The following CELSR1 variants were observed in gnomAD, a reference collection of about 807,000 sequenced individuals.
CELSR1 encodes adhesion G protein-coupled receptor C1.
A neutral mutation model predicts 249.1 loss-of-function variants in CELSR1; 110 were observed. The ratio of observed to expected loss-of-function variants is 0.44; its 90% CI spans 0.38 to 0.52. The LOEUF (loss-of-function observed/expected upper bound fraction) is 0.52. Among genes scored for constraint, CELSR1 ranks in the 20% least tolerant of loss-of-function variants. The pLI is 0.00. For missense variants in CELSR1, 4,109 were observed against 4,296.4 expected (o/e 0.96, Z 1.22); for synonymous variants, 2,113 against 1,900.0 (o/e 1.11, Z -2.92).
In CELSR1 at chr22:46,363,117, GC is replaced by G; in HGVS notation, c.*105del. The stretch of plus-strand genomic sequence containing the variant: ...GGCCCACTCCACTTCAAGGGCAGTG[GC>G]CCCTTGGGCTCCAAGGTCTGAGGGT... On this transcript the variant is annotated 3_prime_UTR_variant, in exon 35 of 35. Coordinates refer to ENST00000674500, the MANE Select transcript of CELSR1 (RefSeq NM_001378328.1). The surrounding 1 kb of genome is among the most constrained non-coding windows in gnomAD (Gnocchi z 4.3). 1.9e-6 allele frequency: 3 copies of G among 1,611,468 alleles called. No individual in the cohort carries two copies. The highest frequency in any genetic ancestry group is 3.4e-4 in the Middle Eastern group (2 of 5,892).
At position 46,410,622 on chromosome 22, in the gene CELSR1, G is replaced by A; in HGVS notation, c.4770-61C>T. 1 of 1,571,702 alleles carries A rather than the reference G, an allele frequency of 6.4e-7. No individual in the cohort carries two copies. On this transcript the variant is annotated intron_variant, in intron 6 of 34. Coordinates refer to ENST00000674500, the MANE Select transcript of CELSR1 (RefSeq NM_001378328.1). The surrounding 1 kb of genome is among the most constrained non-coding windows in gnomAD (Gnocchi z 6.8). ...CGGGGAGAGGCGGCCACGGCGGGCT[G>A]GGCTCCGCAGTTGCCTCTGTGTAGC...
intron 1 of CELSR1, among the ~76,000 whole-genome samples, chr22:46,470,539 C>T (rs6008851): frequency 0.031 from 4,732 of 152,206 alleles, 190 homozygotes; most frequent in African/African-American, 0.093. Flanking sequence ...TAAATATTAA[C>T]GACTGTGAAG....
chr22:46,501,534 T>A (rs1432317804), intron 1 of CELSR1, among the ~76,000 whole-genome samples: 1 of 152,100 alleles, frequency 6.6e-6, no homozygotes, highest in Non-Finnish European at 1.5e-5. Flanking sequence ...AACAGACATT[T>A]AAATAAGCTA....
chr22:46,442,353 G>T (rs1432242354), intron 2 of CELSR1, among the ~76,000 whole-genome samples: 1 of 152,208 alleles, frequency 6.6e-6, no homozygotes, highest in Non-Finnish European at 1.5e-5. Flanking sequence ...GGTCAGGGTG[G>T]ACACAGTGAC....
chr22:46,399,703 A>AGGT lies in CELSR1; in HGVS notation c.5412+11_5412+13dup. 6.2e-7 allele frequency: 1 copy of AGGT among 1,613,000 alleles called. No individual in the cohort carries two copies. The highest frequency in any genetic ancestry group is 8.5e-7 in the Non-Finnish European group (1 of 1,179,036). On this transcript the variant is annotated intron_variant, in intron 10 of 34. Transcript: ENST00000674500. The surrounding 1 kb of genome is among the most constrained non-coding windows in gnomAD (Gnocchi z 5.0). ...AAGGGTCTATCCCCAGAGGAGGTGC[A>AGGT]GGTGCCAGCTCACCTGGTCCATCCC... is the stretch of plus-strand genomic sequence containing the variant.
chr22:46,442,168 A>G (rs2079758458), intron 2 of CELSR1, among the ~76,000 whole-genome samples: 1 of 152,250 alleles, frequency 6.6e-6, no homozygotes, highest in African/African-American at 2.4e-5. Context: ...ACAAGAAAAA[A>G]AAGAAATCAG....
At chr22:46,487,251 G>C (rs773024669) in intron 1 of CELSR1, among the ~76,000 whole-genome samples, 4 of 151,966 alleles carry the variant, frequency 2.6e-5, no homozygotes, top group Non-Finnish European at 5.9e-5. Flanking sequence ...CCTGAAAGAG[G>C]ATTTCAGTTC....
In CELSR1 at chr22:46,398,735, T is replaced by G. The variant is rs989407619; in HGVS notation, c.5413-98A>C. ...ATACACTGGAAGTCTAAACAGTCAC[T>G]TCAACAAACTCCGCAGAGCCTGAGG... is the stretch of plus-strand genomic sequence containing the variant. On this transcript the variant is annotated intron_variant, in intron 10 of 34. Transcript: ENST00000674500. The surrounding 1 kb of genome is among the most constrained non-coding windows in gnomAD (Gnocchi z 7.2). 15 of 899,894 alleles carry G rather than the reference T, an allele frequency of 1.7e-5. No individual in the cohort carries two copies. Among genetic ancestry groups the G allele is most frequent in the Non-Finnish European group, 2.2e-5 (13 of 592,336 alleles). The allele number at this position is 899,894 out of a possible 1,614,324, so 55.7% of individuals were successfully genotyped here.
At position 46,363,648 on chromosome 22, in the gene CELSR1, C is replaced by T. The variant is rs1408182972; in HGVS notation, c.9035+348G>A. The T allele has an allele frequency of 2.6e-6, 1 of 378,908 alleles. No homozygotes were observed. Among genetic ancestry groups the T allele is most frequent in the Admixed American group, 4.3e-5 (1 of 23,428 alleles). The allele number at this position is 378,908 out of a possible 1,614,324, so 23.5% of individuals were successfully genotyped here. A position where few individuals can be genotyped will look rare whatever the true frequency, so the allele number is the denominator to read the frequency against. ...CCTTCACCCCTGGCATTCCGGGACC[C>T]TCAGTATCCTCAACTGCAAGGTGGG... On this transcript the variant is annotated intron_variant, in intron 34 of 34. Coordinates refer to ENST00000674500, the MANE Select transcript of CELSR1 (RefSeq NM_001378328.1). This position sits in a 1 kb window ranked among gnomAD's most constrained non-coding sequence, Gnocchi z 4.3.
chr22:46,530,854 T>C (rs956775388), intron 1 of CELSR1, among the ~76,000 whole-genome samples: 1 of 152,194 alleles, frequency 6.6e-6, no homozygotes, highest in African/African-American at 2.4e-5. Flanking sequence ...CAGCCCTTCC[T>C]GGAATGGCTC....
intron 27 of CELSR1, 48 bp from the exon 28 acceptor site, chr22:46,367,903 C>T: frequency 6.4e-7 from 1 of 1,565,714 alleles, no homozygotes; most frequent in Non-Finnish European, 8.7e-7. Context: ...CCACCTGCTC[C>T]CTTCCTCCCT....
At chr22:46,451,739 AG>A (rs1337285664) in intron 2 of CELSR1, among the ~76,000 whole-genome samples, 2 of 152,216 alleles carry the variant, frequency 1.3e-5, no homozygotes, top group African/African-American at 2.4e-5. Context: ...GGCCCCCAAA[AG>A]GAAGTGTCCA....
At position 46,381,874 on chromosome 22, in the gene CELSR1, G is replaced by A. The variant is rs543464960; in HGVS notation, c.7060C>T (p.Arg2354Cys). 178 of 1,568,826 alleles carry A rather than the reference G, an allele frequency of 1.1e-4. No homozygotes were observed. The highest frequency in any genetic ancestry group is 5.2e-4 in the Admixed American group (28 of 54,316). Reference protein sequence around the residue: ...YRTLGQLLPERYDPDRRSLRL... With the variant: ...YRTLGQLLPECYDPDRRSLRL... ...AGGCTGCGACGGTCGGGGTCGTAGC[G>A]CTCGGGCAGGAGCTGCCCCAGGGTG... The change falls in exon 21 of 35, where the codon CGC becomes TGC. Residue 2354 changes from arginine to cysteine, a missense_variant. By Grantham distance (180) the Arg-to-Cys change is radical. Around this residue, in one of 7 missense-constraint regions of CELSR1, gnomAD observed 1,805 missense variants for 1,831.6 expected, o/e 0.99. Transcript: ENST00000674500. The surrounding 1 kb of genome is among the most constrained non-coding windows in gnomAD (Gnocchi z 6.0).
chr22:46,503,588 C>T (rs1184951226), intron 1 of CELSR1, among the ~76,000 whole-genome samples: 3 of 152,234 alleles, frequency 2.0e-5, no homozygotes, highest in East Asian at 1.9e-4. Flanking sequence ...TTGATCCGCC[C>T]GTTCCTTCAC....
chr22:46,456,657 TGTC>T (rs2079955804), intron 2 of CELSR1, among the ~76,000 whole-genome samples: 2 of 96,374 alleles, frequency 2.1e-5, no homozygotes, highest in African/African-American at 8.9e-5. Context: ...AGCGAGACTC[TGTC>T]TAAAAAAAAA....
In CELSR1 at chr22:46,402,532, A is replaced by C. The variant is rs924373800; in HGVS notation, c.5227-2630T>G. ...GCACCTGGCCCCCATTCTAGTTTCA[A>C]ATGCTCTCTAGTTTTTCAATAAAAT... On this transcript the variant is annotated intron_variant, in intron 9 of 34. Coordinates refer to ENST00000674500, the MANE Select transcript of CELSR1 (RefSeq NM_001378328.1). The surrounding 1 kb of genome is among the most constrained non-coding windows in gnomAD (Gnocchi z 5.0). Among the ~76,000 whole-genome samples the C allele has an allele frequency of 2.0e-5, 3 of 152,164 alleles. No homozygotes were observed. Among genetic ancestry groups the C allele is most frequent in the African/African-American group, 7.2e-5 (3 of 41,444 alleles).
rs2079153207 is a variant in CELSR1 at position 46,396,828 on chromosome 22, T to A, written c.5702-82A>T. 1.4e-5 allele frequency: 21 copies of A among 1,531,788 alleles called. No individual in the cohort carries two copies. In the South Asian group the frequency reaches 2.2e-4, roughly 16 times the overall value. The allele number at this position is 1,531,788 out of a possible 1,614,324, so 94.9% of individuals were successfully genotyped here. ...AAAATATCTGGAGCAACCTGTCCCC[T>A]CCAGAAGATCTGACTTTCCCTGGTA... is the stretch of plus-strand genomic sequence containing the variant. On this transcript the variant is annotated intron_variant, in intron 12 of 34. Coordinates refer to ENST00000674500, the MANE Select transcript of CELSR1 (RefSeq NM_001378328.1). The surrounding 1 kb of genome is among the most constrained non-coding windows in gnomAD (Gnocchi z 6.4).
rs2079187348 is a variant in CELSR1, at chr22:46,399,486, G to A, written c.5412+231C>T. On this transcript the variant is annotated intron_variant, in intron 10 of 34. Transcript: ENST00000674500. The surrounding 1 kb of genome is among the most constrained non-coding windows in gnomAD (Gnocchi z 5.0). ...AGCATCATGATGAGAAATGCAGCTG[G>A]AGGAAGTCAGCTGCTGACTGCCGGG... 6.6e-6 allele frequency among the ~76,000 whole-genome samples: 1 copy of A among 152,218 alleles called. No individual in the cohort carries two copies. Among genetic ancestry groups the A allele is most frequent in the African/African-American group, 2.4e-5 (1 of 41,450 alleles).
chr22:46,501,229 C>CA (rs1569205008), intron 1 of CELSR1, among the ~76,000 whole-genome samples: 1 of 130,548 alleles, frequency 7.7e-6, no homozygotes, highest in African/African-American at 3.2e-5. Context: ...TTTTTTGAGA[C>CA]AGAGTCTCGC....
Sources: gnomAD v4.1 joint callset for allele counts (sites outside exome capture counted in the v4.1 genomes callset) on GRCh38, gnomAD v4.1.1 for gene constraint, gnomAD v4.1.1 regional missense constraint, Gnocchi (gnomAD v3.1) non-coding constraint, MANE v1.5 for transcripts, NCBI Gene and HGNC (gene_info 2026-07-23, HGNC 2026-07-21) for gene names.